The following ULK4 variants were observed in gnomAD, a reference collection of about 807,000 sequenced individuals.
The protein encoded by ULK4 is inactive serine/threonine-protein kinase ULK4.
In ULK4, 133 loss-of-function variants were observed where a neutral mutation model predicts 160.6. That is an observed-to-expected ratio of 0.83 (90% confidence interval 0.72 to 0.96). The LOEUF (loss-of-function observed/expected upper bound fraction) is 0.96. Among genes scored for constraint, ULK4 ranks in the 40% least tolerant of loss-of-function variants. The pLI is 0.00. For synonymous variants in ULK4, 534 were observed against 539.8 expected (o/e 0.99, Z 0.15); for missense variants, 1,580 against 1,499.5 (o/e 1.05, Z -0.89).
chr3:41,337,527 G>T (rs1202770761), intron 35 of ULK4, among the ~76,000 whole-genome samples: 1 of 152,190 alleles, frequency 6.6e-6, no homozygotes, highest in Non-Finnish European at 1.5e-5. Context: ...ACGCAGGTAT[G>T]TGCAGACGTG....
chr3:41,662,379 G>A (rs1032883270), intron 30 of ULK4, among the ~76,000 whole-genome samples: 31 of 152,178 alleles, frequency 2.0e-4, no homozygotes, highest in African/African-American at 4.3e-4. Context: ...TAATAGGCTC[G>A]AGAACTACTA....
intron 8 of ULK4, among the ~76,000 whole-genome samples, chr3:41,913,478 G>A (rs900071488): frequency 1.2e-4 from 19 of 152,068 alleles, no homozygotes; most frequent in African/African-American, 4.1e-4. Context: ...ACCCGCCTCC[G>A]CCTCCCAAAG....
chr3:41,455,145 C>T (rs1299140872), intron 34 of ULK4, among the ~76,000 whole-genome samples: 2 of 152,032 alleles, frequency 1.3e-5, no homozygotes, highest in Admixed American at 6.6e-5. Flanking sequence ...CTGGGGAAGT[C>T]CTGCATGCCA....
At chr3:41,703,653 ACAAT>A (rs988358326) in intron 27 of ULK4, among the ~76,000 whole-genome samples, 2 of 152,170 alleles carry the variant, frequency 1.3e-5, no homozygotes, top group Admixed American at 1.3e-4. Flanking sequence ...AATAATTACA[ACAAT>A]CAAAGAACAA....
At chr3:41,823,752 T>C (rs2041232554) in intron 18 of ULK4, among the ~76,000 whole-genome samples, 1 of 152,200 alleles carries the variant, frequency 6.6e-6, no homozygotes, top group Admixed American at 6.5e-5. Context: ...AGTTATTTAT[T>C]TTTGTAGACT....
chr3:41,288,396 A>C (rs2079501940), intron 35 of ULK4, among the ~76,000 whole-genome samples: 1 of 152,188 alleles, frequency 6.6e-6, no homozygotes, highest in Non-Finnish European at 1.5e-5. Flanking sequence ...TAATCTGGTC[A>C]AAGATACTTT....
Position 41,657,818 on chromosome 3 carries a change from T to TAAAAAAAAAAAAAAAAAAAAAAAA in ULK4, c.3071+5788_3071+5789insTTTTTTTTTTTTTTTTTTTTTTTT, listed in dbSNP as rs60281588. Among the ~76,000 whole-genome samples, 80 of 99,682 alleles carry TAAAAAAAAAAAAAAAAAAAAAAAA rather than the reference T, an allele frequency of 8.0e-4. 3 individuals are homozygous for TAAAAAAAAAAAAAAAAAAAAAAAA. Among genetic ancestry groups the TAAAAAAAAAAAAAAAAAAAAAAAA allele is most frequent in the East Asian group, 1.9e-3 (8 of 4,208 alleles). 65.4% of individuals were successfully genotyped at this position (99,682 alleles called of 152,430 possible). A position where few individuals can be genotyped will look rare whatever the true frequency, so the allele number is the denominator to read the frequency against. On this transcript the variant is annotated intron_variant, in intron 30 of 36. Transcript: ENST00000301831. Reference sequence around the variant, plus strand: ...GTGACAAAGCGAGACTCCATCTCATTAAAAAAAAAAAAAAAAACACACACC... The same window carrying TAAAAAAAAAAAAAAAAAAAAAAAA: ...GTGACAAAGCGAGACTCCATCTCATTAAAAAAAAAAAAAAAAAAAAAAAAAAAAAAAAAAAAAAAAACACACACC...
rs2038592747 is a variant in ULK4 at position 41,750,753 on chromosome 3, T to C, written c.2321+3608A>G. ...GCTCACATCTGTAATCCCAGCACTT[T>C]GGGAGGTCAAGGCGGGTGGATTATT... On this transcript the variant is annotated intron_variant, in intron 22 of 36. Transcript: ENST00000301831. 3.9e-5 allele frequency among the ~76,000 whole-genome samples: 6 copies of C among 151,960 alleles called. No individual in the cohort carries two copies. In the South Asian group the frequency reaches 1.2e-3, roughly 32 times the overall value.
chr3:41,246,941 G>A lies in ULK4; in HGVS notation c.3816C>T (p.Ala1272=), dbSNP rs781157144. The part of the protein sequence containing the change: ...VAPLALEILQ[A]VGH ...AGCACCTTCTTGCCTAGTGCCCAAC[G>A]GCTTGGAGGATTTCCAGGGCCAAGG... The change falls in exon 37 of 37, where the codon GCC becomes GCT. Residue 1272 remains alanine, a synonymous_variant. Coordinates refer to ENST00000301831, the MANE Select transcript of ULK4 (RefSeq NM_017886.4). 40 of 1,613,596 alleles carry A rather than the reference G, an allele frequency of 2.5e-5. No homozygotes were observed. Among genetic ancestry groups the A allele is most frequent in the Non-Finnish European group, 3.3e-5 (39 of 1,179,902 alleles).
chr3:41,918,151 G>A (rs765320748), intron 7 of ULK4, among the ~76,000 whole-genome samples: 4 of 152,042 alleles, frequency 2.6e-5, no homozygotes, highest in Non-Finnish European at 5.9e-5. Context: ...GTAAGTAAAT[G>A]GTACATACAA....
At chr3:41,324,836 T>A (rs910823092) in intron 35 of ULK4, among the ~76,000 whole-genome samples, 1 of 151,906 alleles carries the variant, frequency 6.6e-6, no homozygotes, top group Non-Finnish European at 1.5e-5. Flanking sequence ...CTTAGGAGAG[T>A]CTCTTTTGGT....
chr3:41,751,741 T>C (rs1043213556), intron 22 of ULK4, among the ~76,000 whole-genome samples: 3 of 152,142 alleles, frequency 2.0e-5, no homozygotes, highest in Non-Finnish European at 2.9e-5. Flanking sequence ...GTATTTTAGA[T>C]AGCATCATCA....
chr3:41,783,331 G>C (rs1404573712), intron 21 of ULK4, among the ~76,000 whole-genome samples: 1 of 152,050 alleles, frequency 6.6e-6, no homozygotes, highest in African/African-American at 2.4e-5. Context: ...GAGGCCAGGA[G>C]TTCGAGACCA....
At chr3:41,477,407 T>C (rs1194769943) in intron 32 of ULK4, among the ~76,000 whole-genome samples, 2 of 152,184 alleles carry the variant, frequency 1.3e-5, no homozygotes, top group African/African-American at 4.8e-5. Flanking sequence ...GATTTGAAAA[T>C]ACAACACTCT....
Position 41,570,199 on chromosome 3 carries a change from T to C in ULK4, c.3121-4069A>G, listed in dbSNP as rs182631342. 5.6e-4 allele frequency among the ~76,000 whole-genome samples: 85 copies of C among 152,376 alleles called. 1 individual carries two copies. The highest frequency in any genetic ancestry group is 4.3e-3 in the Admixed American group (66 of 15,308). On this transcript the variant is annotated intron_variant, in intron 31 of 36. Transcript: ENST00000301831. ...TTGATTTCATATGGGTTTTGCCATGTATGCCGTTGTTTAACACAAGACAAA... is the reference window on the plus strand; with the variant it reads ...TTGATTTCATATGGGTTTTGCCATGCATGCCGTTGTTTAACACAAGACAAA...
At chr3:41,687,503 T>A (rs909554830) in intron 27 of ULK4, among the ~76,000 whole-genome samples, 4 of 152,190 alleles carry the variant, frequency 2.6e-5, no homozygotes, top group Admixed American at 2.6e-4. Flanking sequence ...GGCACAAGGT[T>A]AAATTTCCTT....
chr3:41,877,780 G>T (rs1363424459), intron 17 of ULK4, among the ~76,000 whole-genome samples: 1 of 151,798 alleles, frequency 6.6e-6, no homozygotes, highest in Non-Finnish European at 1.5e-5. Context: ...TCAGGAGTTT[G>T]AGACCAGCCT....
chr3:41,935,201 ATTTATTTATTTTTTTT>A (rs1559660862), intron 4 of ULK4, among the ~76,000 whole-genome samples: 23 of 2,542 alleles, frequency 9.0e-3, no homozygotes, highest in African/African-American at 0.01. Context: ...GTTTTTATTT[ATTTATTTATTTTTTTT>A]TTTTTTTTTT....
Position 41,506,078 on chromosome 3 carries a change from C to T in ULK4, c.3227-42825G>A, listed in dbSNP as rs149692427. 3.1e-3 allele frequency among the ~76,000 whole-genome samples: 476 copies of T among 151,986 alleles called. 1 individual carries two copies. The highest frequency in any genetic ancestry group is 0.01 in the African/African-American group (433 of 41,438). On this transcript the variant is annotated intron_variant, in intron 32 of 36. Transcript: ENST00000301831. Reference sequence around the variant, plus strand: ...TTAATTGTGTATATAGCAAAAAAAACGAAACTAGAAATGTCTTTCACATAA... The same window carrying T: ...TTAATTGTGTATATAGCAAAAAAAATGAAACTAGAAATGTCTTTCACATAA...
Sources: gnomAD v4.1 joint callset for allele counts (sites outside exome capture counted in the v4.1 genomes callset) on GRCh38, gnomAD v4.1.1 for gene constraint, MANE v1.5 for transcripts, NCBI Gene and HGNC (gene_info 2026-07-23, HGNC 2026-07-21) for gene names.